The following PTPRN2 variants were observed in gnomAD, a reference collection of about 807,000 sequenced individuals.
PTPRN2 encodes receptor-type tyrosine-protein phosphatase N2.
A neutral mutation model predicts 118.8 loss-of-function variants in PTPRN2; 74 were observed. The observed-to-expected ratio is 0.62, with a 90% CI of 0.52 to 0.76. The LOEUF is 0.76. Among genes scored for constraint, PTPRN2 ranks in the 30% least tolerant of loss-of-function variants. The pLI is 0.00. For missense variants in PTPRN2, 1,481 were observed against 1,394.4 expected (o/e 1.06, Z -0.99); for synonymous variants, 641 against 608.0 (o/e 1.05, Z -0.80).
At chr7:157,713,412 A>C (rs901464562) in intron 12 of PTPRN2, among the ~76,000 whole-genome samples, 6 of 152,210 alleles carry the variant, frequency 3.9e-5, no homozygotes, top group African/African-American at 1.4e-4. Context: ...CTGTAAGAAT[A>C]GTGTACGTAG....
At chr7:158,308,990 C>T (rs1801499638) in intron 3 of PTPRN2, among the ~76,000 whole-genome samples, 2 of 151,818 alleles carry the variant, frequency 1.3e-5, no homozygotes, top group African/African-American at 4.9e-5. Context: ...TAATTTAAAA[C>T]CTCATAAAGA....
At chr7:158,220,824 C>A (rs1828302259) in intron 3 of PTPRN2, among the ~76,000 whole-genome samples, 1 of 150,030 alleles carries the variant, frequency 6.7e-6, no homozygotes, top group Non-Finnish European at 1.5e-5. Flanking sequence ...ATCAAACCAC[C>A]AGCATCATTT....
intron 1 of PTPRN2, chr7:158,541,817 G>T (rs1825999259): frequency 1.2e-6 from 1 of 862,440 alleles, no homozygotes; most frequent in South Asian, 5.3e-5. Flanking sequence ...TGGGGAAGCT[G>T]AGAGACTGCA....
chr7:158,456,852 G>T, intron 2 of PTPRN2, among the ~76,000 whole-genome samples: 1 of 152,102 alleles, frequency 6.6e-6, no homozygotes, highest in Non-Finnish European at 1.5e-5. Flanking sequence ...ACGACTCACT[G>T]CAGCCTCCAC....
chr7:158,284,016 C>T (rs1001624478), intron 3 of PTPRN2, among the ~76,000 whole-genome samples: 1 of 152,180 alleles, frequency 6.6e-6, no homozygotes, highest in South Asian at 2.1e-4. Context: ...ATCAATCACA[C>T]GTTTAAGAAC....
chr7:157,816,965 G>A (rs574398553), intron 12 of PTPRN2, among the ~76,000 whole-genome samples: 50 of 152,360 alleles, frequency 3.3e-4, no homozygotes, highest in African/African-American at 1.2e-3. Flanking sequence ...CCAGGGCACT[G>A]CAGATGGGCT....
chr7:158,136,853 T>C (rs1274482376), intron 7 of PTPRN2, among the ~76,000 whole-genome samples, 158 bp from the exon 8 acceptor site: 1 of 152,202 alleles, frequency 6.6e-6, no homozygotes, highest in African/African-American at 2.4e-5. Context: ...TTTCTGTTTA[T>C]AGCACAAAAT....
chr7:157,703,350 G>C (rs889260973), intron 12 of PTPRN2, among the ~76,000 whole-genome samples: 1 of 152,214 alleles, frequency 6.6e-6, no homozygotes, highest in Non-Finnish European at 1.5e-5. Flanking sequence ...GGTGGACAGG[G>C]CCCATGGACA....
At chr7:158,096,326 C>T (rs1448823288) in intron 10 of PTPRN2, among the ~76,000 whole-genome samples, 2 of 152,174 alleles carry the variant, frequency 1.3e-5, no homozygotes, top group Non-Finnish European at 2.9e-5. Context: ...GCCCAGGCCA[C>T]CTCCATCCTT....
Position 157,993,381 on chromosome 7 carries a change from C to T in PTPRN2, c.1723+87917G>A, listed in dbSNP as rs55905226. On this transcript the variant is annotated intron_variant, in intron 11 of 22. Coordinates refer to ENST00000389418, the MANE Select transcript of PTPRN2 (RefSeq NM_002847.5). ...TGAGCCTCCGCAAAAAAAGACCCCA[C>T]GGGGACATCCCGTACCTGGTCAGAG... 8.4e-3 allele frequency among the ~76,000 whole-genome samples: 1,277 copies of T among 151,916 alleles called. 16 individuals are homozygous for T. The highest frequency in any genetic ancestry group is 0.029 in the African/African-American group (1,217 of 41,422).
intron 3 of PTPRN2, among the ~76,000 whole-genome samples, chr7:158,231,657 C>T (rs1829169559): frequency 6.6e-6 from 1 of 152,200 alleles, no homozygotes; most frequent in African/African-American, 2.4e-5. Context: ...CACCCGACTG[C>T]TACAGAATAC....
At chr7:158,060,476 G>A (rs540769886) in intron 11 of PTPRN2, among the ~76,000 whole-genome samples, 9 of 152,190 alleles carry the variant, frequency 5.9e-5, no homozygotes, top group East Asian at 1.9e-4. Flanking sequence ...GCGCATGGCC[G>A]CTCTCTGTGT....
In PTPRN2 at chr7:157,568,952, C is replaced by T. The variant is rs867851806; in HGVS notation, c.2852G>A (p.Arg951Gln). 1.3e-6 allele frequency: 2 copies of T among 1,574,254 alleles called. No homozygotes were observed. Among genetic ancestry groups the T allele is most frequent in the Non-Finnish European group, 1.7e-6 (2 of 1,144,022 alleles). ...GTCGATCAGGACGTAGGTGCCGCTCCGGCCTGCACCGTCACTGCCAACAGA... is the reference window on the plus strand; with the variant it reads ...GTCGATCAGGACGTAGGTGCCGCTCTGGCCTGCACCGTCACTGCCAACAGA... The part of the protein sequence containing the change: ...IIVHCSDGAG[R>Q]SGTYVLIDMV... The change falls in exon 21 of 23, where the codon CGG becomes CAG. Residue 951 changes from arginine to glutamine, a missense_variant. Transcript: ENST00000389418.
intron 2 of PTPRN2, among the ~76,000 whole-genome samples, chr7:158,344,129 C>G (rs117203934): frequency 6.6e-6 from 1 of 152,050 alleles, no homozygotes; most frequent in African/African-American, 2.4e-5. Context: ...GGAGCCAGCA[C>G]CTGGGCCCTT....
At chr7:157,907,142 T>A (rs537015839) in intron 11 of PTPRN2, among the ~76,000 whole-genome samples, 1 of 152,312 alleles carries the variant, frequency 6.6e-6, no homozygotes, top group Non-Finnish European at 1.5e-5. Context: ...AAAACCACCT[T>A]CAAGGTGGGT....
chr7:157,661,410 C>T (rs569384592), intron 13 of PTPRN2, among the ~76,000 whole-genome samples: 116 of 152,376 alleles, frequency 7.6e-4, no homozygotes, highest in Non-Finnish European at 1.2e-3. Flanking sequence ...CAAGGCAACG[C>T]GCGGCCGGGG....
intron 12 of PTPRN2, among the ~76,000 whole-genome samples, chr7:157,846,643 T>C (rs1045694532): frequency 1.3e-5 from 2 of 151,952 alleles, no homozygotes; most frequent in African/African-American, 4.8e-5. Context: ...TGTCTGATGT[T>C]TACAGAGACC....
rs1801825270 is a variant in PTPRN2, at chr7:157,603,704, C to T, written c.2418+298G>A. Among the ~76,000 whole-genome samples, 1 of 152,182 alleles carries T rather than the reference C, an allele frequency of 6.6e-6. No individual in the cohort carries two copies. The highest frequency in any genetic ancestry group is 2.1e-4 in the South Asian group (1 of 4,826). ...AAGAGGAACGGCACCCACTACGAACCTCTCCTAAAAGCCATGTCTTCTAGT... is the reference window on the plus strand; with the variant it reads ...AAGAGGAACGGCACCCACTACGAACTTCTCCTAAAAGCCATGTCTTCTAGT... On this transcript the variant is annotated intron_variant, in intron 16 of 22. Transcript: ENST00000389418. This position sits in a 1 kb window ranked among gnomAD's most constrained non-coding sequence, Gnocchi z 5.4.
chr7:158,020,311 A>G (rs1018815031), intron 11 of PTPRN2, among the ~76,000 whole-genome samples: 1 of 152,238 alleles, frequency 6.6e-6, no homozygotes, highest in Non-Finnish European at 1.5e-5. Flanking sequence ...CCATCTGGGT[A>G]GAGACGCAGA....
Sources: allele counts gnomAD v4.1 joint callset (sites outside exome capture counted in the v4.1 genomes callset), GRCh38; gene constraint gnomAD v4.1.1; non-coding constraint Gnocchi (gnomAD v3.1); transcripts MANE v1.5; gene names NCBI Gene and HGNC (gene_info 2026-07-23, HGNC 2026-07-21).